The following CYRIA variants were observed in gnomAD, a reference collection of about 807,000 sequenced individuals.
The protein encoded by CYRIA is CYFIP related Rac1 interactor A.
A neutral mutation model predicts 43.9 loss-of-function variants in CYRIA; 15 were observed. That is an observed-to-expected ratio of 0.34 (90% CI 0.23 to 0.53). The LOEUF is 0.53. Ranked by LOEUF, CYRIA falls within the 20% of genes least tolerant of loss-of-function variation. The pLI is 0.94. For synonymous variants in CYRIA, 117 were observed against 136.0 expected, an observed-to-expected ratio of 0.86 and a Z score of 0.97; for missense variants, 236 against 394.2, an observed-to-expected ratio of 0.60 and a Z score of 3.40.
intron 3 of CYRIA, among the ~76,000 whole-genome samples, chr2:16,582,172 A>T (rs1427369717): frequency 6.6e-6 from 1 of 152,172 alleles, no homozygotes; most frequent in African/African-American, 2.4e-5. Flanking sequence ...AGATCAGTGC[A>T]TCTTAGTGCA....
At chr2:16,559,259 T>C (rs1666640608) in intron 10 of CYRIA, among the ~76,000 whole-genome samples, 1 of 152,118 alleles carries the variant, frequency 6.6e-6, no homozygotes, top group African/African-American at 2.4e-5. Context: ...ATTGCTGCTG[T>C]GCTTTTGAGG....
intron 1 of CYRIA, among the ~76,000 whole-genome samples, chr2:16,664,752 A>G (rs1457381468): frequency 6.6e-6 from 1 of 152,162 alleles, no homozygotes; most frequent in South Asian, 2.1e-4. Flanking sequence ...CAGAGAGGAA[A>G]GTTTCTAACA....
chr2:16,640,610 T>C (rs1477163784), intron 1 of CYRIA, among the ~76,000 whole-genome samples: 1 of 152,176 alleles, frequency 6.6e-6, no homozygotes, highest in Non-Finnish European at 1.5e-5. Context: ...GCACTGTGTA[T>C]CGCCCTCTCT....
chr2:16,654,538 G>C (rs944857617), intron 1 of CYRIA, among the ~76,000 whole-genome samples: 3 of 152,172 alleles, frequency 2.0e-5, no homozygotes, highest in African/African-American at 7.2e-5. Context: ...AGTGCGAGCT[G>C]TGTGGTATGG....
intron 1 of CYRIA, among the ~76,000 whole-genome samples, chr2:16,636,328 G>C (rs1460182148): frequency 2.0e-5 from 3 of 152,150 alleles, no homozygotes; most frequent in African/African-American, 7.2e-5. Context: ...GCTAATTCGA[G>C]ATGTGGCAAG....
intron 1 of CYRIA, among the ~76,000 whole-genome samples, chr2:16,633,324 C>G (rs1185510991): frequency 7.9e-5 from 12 of 152,304 alleles, no homozygotes; most frequent in Non-Finnish European, 1.8e-4. Context: ...ACAATCCATA[C>G]TGACCTCTCC....
rs191113520 is a variant in CYRIA at position 16,656,892 on chromosome 2, G to C, written c.-167+8888C>G. ...GTCACCAGGGCCAAAATACATCTGA[G>C]GCAACCAGCCAAAGGCACAGAAACA... On this transcript the variant is annotated intron_variant, in intron 1 of 11. Transcript: ENST00000381323. 3.3e-5 allele frequency among the ~76,000 whole-genome samples: 5 copies of C among 152,238 alleles called. No homozygotes were observed. In the East Asian group the frequency reaches 9.7e-4, roughly 30 times the overall value.
intron 1 of CYRIA, among the ~76,000 whole-genome samples, chr2:16,642,593 C>T (rs577647854): frequency 1.4e-3 from 213 of 152,238 alleles, no homozygotes; most frequent in Non-Finnish European, 2.2e-3. Flanking sequence ...TGGGACCCTC[C>T]GCTAGAACAC....
chr2:16,658,704 T>C (rs891548090), intron 1 of CYRIA, among the ~76,000 whole-genome samples: 5 of 152,324 alleles, frequency 3.3e-5, no homozygotes, highest in Non-Finnish European at 7.3e-5. Flanking sequence ...TTTCCTTTTT[T>C]TCTTTTCTTT....
At chr2:16,573,859 T>C (rs1344999377) in intron 3 of CYRIA, among the ~76,000 whole-genome samples, 2 of 152,224 alleles carry the variant, frequency 1.3e-5, no homozygotes, top group Admixed American at 6.5e-5. Context: ...GTCTCAGGTA[T>C]GCCTTTATCA....
At chr2:16,601,431 A>C (rs1479199001) in intron 2 of CYRIA, among the ~76,000 whole-genome samples, 1 of 152,158 alleles carries the variant, frequency 6.6e-6, no homozygotes, top group Non-Finnish European at 1.5e-5. Context: ...ATTTTGAAAT[A>C]GGTTATTCAA....
intron 2 of CYRIA, among the ~76,000 whole-genome samples, chr2:16,610,895 A>ATCAT (rs1381681341): frequency 5.2e-5 from 3 of 57,710 alleles, no homozygotes; most frequent in Non-Finnish European, 1.0e-4. Context: ...TTTTAGTCCC[A>ATCAT]ACATATATAT....
At chr2:16,647,055 CTCTT>C (rs1413554708) in intron 1 of CYRIA, among the ~76,000 whole-genome samples, 4 of 152,162 alleles carry the variant, frequency 2.6e-5, no homozygotes, top group African/African-American at 9.7e-5. Context: ...TTAAATAAAT[CTCTT>C]TCTATCTGTA....
intron 1 of CYRIA, among the ~76,000 whole-genome samples, chr2:16,647,783 G>A (rs926147093): frequency 1.3e-5 from 2 of 151,976 alleles, no homozygotes; most frequent in African/African-American, 2.4e-5. Flanking sequence ...CCACAACCCC[G>A]CAGTTCAAAC....
At chr2:16,573,613 G>A (rs1667218909) in intron 3 of CYRIA, among the ~76,000 whole-genome samples, 1 of 152,200 alleles carries the variant, frequency 6.6e-6, no homozygotes. Context: ...CCCAGTGGGA[G>A]ATAATCGAAT....
At chr2:16,607,821 T>G (rs1668461163) in intron 2 of CYRIA, among the ~76,000 whole-genome samples, 3 of 152,158 alleles carry the variant, frequency 2.0e-5, no homozygotes, top group Non-Finnish European at 1.5e-5. Flanking sequence ...GGTCTTGCAC[T>G]CTTGGCCTCA....
chr2:16,557,737 C>A (rs1195263745), intron 10 of CYRIA, among the ~76,000 whole-genome samples: 2 of 152,048 alleles, frequency 1.3e-5, no homozygotes, highest in Non-Finnish European at 2.9e-5. Context: ...CTGAAAGACT[C>A]AGTAAATAAC....
At chr2:16,644,191 A>T (rs1387065305) in intron 1 of CYRIA, among the ~76,000 whole-genome samples, 1 of 152,244 alleles carries the variant, frequency 6.6e-6, no homozygotes, top group Non-Finnish European at 1.5e-5. Context: ...TCCTGCAATG[A>T]CACAGCTAGT....
At chr2:16,571,967 C>A (rs1572467475) in intron 3 of CYRIA, among the ~76,000 whole-genome samples, 1 of 152,270 alleles carries the variant, frequency 6.6e-6, no homozygotes, top group Middle Eastern at 3.4e-3. Context: ...ACAGGGCCGG[C>A]ATATTTACTC....
Sources: allele counts gnomAD v4.1 joint callset (sites outside exome capture counted in the v4.1 genomes callset), GRCh38; gene constraint gnomAD v4.1.1; transcripts MANE v1.5; gene names NCBI Gene and HGNC (gene_info 2026-07-23, HGNC 2026-07-21).